The following ZNF142 variants were observed in gnomAD, a reference collection of about 807,000 sequenced individuals.
The protein encoded by ZNF142 is zinc finger protein 142 (clone pHZ-49).
Under a neutral mutation model 132.1 loss-of-function variants are expected in ZNF142, and 96 were observed. The ratio of observed to expected loss-of-function variants is 0.73; its 90% CI spans 0.62 to 0.86. ZNF142 has a LOEUF of 0.86. Among genes scored for constraint, ZNF142 ranks in the 40% least tolerant of loss-of-function variants. ZNF142 has a pLI of 0.00. For synonymous variants in ZNF142, 842 were observed against 890.1 expected (o/e 0.95, Z 0.96); for missense variants, 2,163 against 2,336.2 (o/e 0.93, Z 1.53).
intron 4 of ZNF142, among the ~76,000 whole-genome samples, chr2:218,653,918 T>C (rs1218972050): frequency 6.6e-6 from 1 of 152,122 alleles, no homozygotes; most frequent in Non-Finnish European, 1.5e-5. Flanking sequence ...GGTGGTGTGA[T>C]CACAGCTCAC....
Position 218,656,412 on chromosome 2 carries a change from C to T in ZNF142, c.18G>A (p.Leu6=), listed in dbSNP as rs914321546. The change falls in exon 4 of 11, where the codon TTG becomes TTA. Residue 6 remains leucine, a synonymous_variant. Coordinates refer to ENST00000411696, the MANE Select transcript of ZNF142 (RefSeq NM_001379659.1). MTDPL[L]DSQPASSTGE... is the part of the protein sequence containing the mutation. ...CGGTGCTACTGGCTGGCTGTGAGTCCAAAAGGGGGTCTGTCATCACCACCG... is the reference window on the plus strand; with the variant it reads ...CGGTGCTACTGGCTGGCTGTGAGTCTAAAAGGGGGTCTGTCATCACCACCG... The T allele has an allele frequency of 1.4e-6, 2 of 1,434,274 alleles. No individual in the cohort carries two copies. The highest frequency in any genetic ancestry group is 3.4e-5 in the South Asian group (2 of 58,328). 88.8% of individuals were successfully genotyped at this position (1,434,274 alleles called of 1,614,324 possible). A position where few individuals can be genotyped will look rare whatever the true frequency, so the allele number is the denominator to read the frequency against.
Position 218,643,812 on chromosome 2 carries a change from G to C in ZNF142, c.3304C>G (p.Pro1102Ala). 1 of 1,612,062 alleles carries C rather than the reference G, an allele frequency of 6.2e-7. No homozygotes were observed. Among genetic ancestry groups the C allele is most frequent in the Non-Finnish European group, 8.5e-7 (1 of 1,178,624 alleles). ...LLRKNKGLPR[P>A]DSPIPLQPVL... ...GGTTGCAGAGGGATGGGTGAATCTG[G>C]TCTGGGCAAGCCCTTGTTCTTTCTG... The change falls in exon 9 of 11, where the codon CCA (proline) becomes GCA (alanine). Residue 1102 changes from proline to alanine, a missense_variant. This residue lies in a region of ZNF142 where 809 missense variants were observed against 801.7 expected (regional missense o/e 1.01). Transcript: ENST00000411696.
intron 9 of ZNF142, among the ~76,000 whole-genome samples, chr2:218,641,090 A>G (rs1697143992): frequency 6.6e-6 from 1 of 151,934 alleles, no homozygotes; most frequent in African/African-American, 2.4e-5. Flanking sequence ...ATGCGCCACA[A>G]TGTCCAGCTA....
At position 218,642,771 on chromosome 2, in the gene ZNF142, T is replaced by C. The variant is rs1697339800; in HGVS notation, c.4345A>G (p.Arg1449Gly). ...TNSKLRLHRL[R>G]VHDKTPTHFC... ...TGGGTAGGTGTTTTGTCATGTACCC[T>C]TAACCGGTGCAAGCGCAGTTTCGAG... The change falls in exon 9 of 11, where the codon AGG becomes GGG. Residue 1449 changes from arginine to glycine, a missense_variant. By Grantham distance (125) the Arg-to-Gly change is moderately radical. Coordinates refer to ENST00000411696, the MANE Select transcript of ZNF142 (RefSeq NM_001379659.1). The surrounding 1 kb of genome is among the most constrained non-coding windows in gnomAD (Gnocchi z 4.6). The C allele has an allele frequency of 6.2e-7, 1 of 1,614,098 alleles. No homozygotes were observed. Among genetic ancestry groups the C allele is most frequent in the Non-Finnish European group, 8.5e-7 (1 of 1,180,056 alleles).
rs761199260 is a variant in ZNF142, at chr2:218,648,748, T to A, written c.1760A>T (p.Tyr587Phe). The A allele has an allele frequency of 1.9e-6, 3 of 1,614,252 alleles. No individual in the cohort carries two copies. The South Asian group carries it at 3.3e-5, about 18-fold the overall frequency. ...ATGCATCTTGCCTACATGATCCTGGTAAGCCACTGGGTTGAAGGTGGCAAA... is the reference window on the plus strand; with the variant it reads ...ATGCATCTTGCCTACATGATCCTGGAAAGCCACTGGGTTGAAGGTGGCAAA... ...CPFATFNPVA[Y>F]QDHVGKMHAH... Residue 587 changes from tyrosine (Y) to phenylalanine (F), a missense_variant, in exon 7 of 11, where the codon TAC becomes TTC. By Grantham distance (22) the Tyr-to-Phe change is conservative. Around this residue, in one of 7 missense-constraint regions of ZNF142, gnomAD observed 749 missense variants for 830.3 expected, o/e 0.90. Coordinates refer to ENST00000411696, the MANE Select transcript of ZNF142 (RefSeq NM_001379659.1).
intron 8 of ZNF142, 95 bp downstream of exon 8, chr2:218,646,076 C>T (rs1286776401): frequency 1.1e-5 from 17 of 1,493,504 alleles, no homozygotes; most frequent in Admixed American, 1.1e-4. Context: ...CTCCAGGGAC[C>T]GGAGAAAGAA....
At chr2:218,641,149 G>A (rs769983498) in intron 9 of ZNF142, among the ~76,000 whole-genome samples, 15 of 152,012 alleles carry the variant, frequency 9.9e-5, no homozygotes, top group Non-Finnish European at 2.1e-4. Context: ...ATGTTGCCCT[G>A]GCTGGTCTCA....
Position 218,643,328 on chromosome 2 carries a change from TG to T in ZNF142, c.3787del (p.Gln1263ArgfsTer9), listed in dbSNP as rs750239776. Reference protein sequence around the residue: ...RGGGGKRGTPQTQPDVSPLSN... With the variant: ...RGGGGKRGTPXTQPDVSPLSN... ...CAACGGGGACACATCAGGCTGGGTC[TG>T]GGGGGTCCCTCGTTTTCCTCCCCCG... On this transcript the variant is annotated frameshift_variant, in exon 9 of 11. Transcript: ENST00000411696. LOFTEE classifies it high-confidence loss of function. 6.2e-7 allele frequency: 1 copy of T among 1,614,016 alleles called. No individual in the cohort carries two copies. The highest frequency in any genetic ancestry group is 8.5e-7 in the Non-Finnish European group (1 of 1,180,018).
In ZNF142 at chr2:218,644,774, C is replaced by A. The variant is rs573181948; in HGVS notation, c.2342G>T (p.Arg781Leu). 6.2e-7 allele frequency: 1 copy of A among 1,614,166 alleles called. No homozygotes were observed. The highest frequency in any genetic ancestry group is 2.2e-5 in the East Asian group (1 of 44,884). The change falls in exon 9 of 11, where the codon CGC becomes CTC. Residue 781 changes from arginine (R) to leucine (L), a missense_variant. This residue lies in a region of ZNF142 where 749 missense variants were observed against 830.3 expected (regional missense o/e 0.90). Transcript: ENST00000411696. The surrounding 1 kb of genome is among the most constrained non-coding windows in gnomAD (Gnocchi z 4.6). ...CAAGAGTGTGGTGTTGCTGAAGGTG[C>A]GGTAGTCACAGAGGGCACAGTGGAA... is the stretch of plus-strand genomic sequence containing the variant. ...REFHCALCDY[R>L]TFSNTTLLFH...
chr2:218,647,434 A>AAAAAAAAAAAAAAAAAAAAAAAAAACAC (rs1559297369), intron 7 of ZNF142, among the ~76,000 whole-genome samples: 1 of 147,260 alleles, frequency 6.8e-6, no homozygotes, highest in Admixed American at 6.8e-5. Context: ...AAAAAAAAAA[A>AAAAAAAAAAAAAAAAAAAAAAAAAACAC]AGCCTCCTCC....
Position 218,646,229 on chromosome 2 carries a change from C to CA in ZNF142, c.1992dup (p.Val665CysfsTer34). 1 of 1,614,220 alleles carries CA rather than the reference C, an allele frequency of 6.2e-7. No homozygotes were observed. The highest frequency in any genetic ancestry group is 8.5e-7 in the Non-Finnish European group (1 of 1,180,044). On this transcript the variant is annotated frameshift_variant, in exon 8 of 11. Coordinates refer to ENST00000411696, the MANE Select transcript of ZNF142 (RefSeq NM_001379659.1). LOFTEE classifies it high-confidence loss of function. ...CGGAGGTAGTGCTTCCACTTGGTGA[C>CA]ATAGCCACATTCAGTGCACATGTAA...
rs1696507949 is a variant in ZNF142, at chr2:218,633,469, C to A, written c.*4870G>T. 1.9e-6 allele frequency: 2 copies of A among 1,051,838 alleles called. No individual in the cohort carries two copies. Among genetic ancestry groups the A allele is most frequent in the Non-Finnish European group, 2.9e-6 (2 of 692,830 alleles). 65.2% of individuals were successfully genotyped at this position (1,051,838 alleles called of 1,614,324 possible). Reference sequence around the variant, plus strand: ...CTATTTCCAAGCCTGAGTCCCTTCTCTTGTCCCGGCAGGTGAGGCAGGAGG... The same window carrying A: ...CTATTTCCAAGCCTGAGTCCCTTCTATTGTCCCGGCAGGTGAGGCAGGAGG... On this transcript the variant is annotated 3_prime_UTR_variant, in exon 11 of 11. Coordinates refer to ENST00000411696, the MANE Select transcript of ZNF142 (RefSeq NM_001379659.1).
At position 218,644,153 on chromosome 2, in the gene ZNF142, G is replaced by T. The variant is rs762627408; in HGVS notation, c.2963C>A (p.Pro988His). ...NWVGTFKTTP[P>H]AETAPLPPLP... ...TGGGGGCAAGGGTGCTGTCTCAGCA[G>T]GTGGAGTTGTCTTGAAGGTTCCTAC... Residue 988 changes from proline to histidine, a missense_variant, in exon 9 of 11, where the codon CCT becomes CAT. Physicochemically the swap from Pro to His is moderately conservative, Grantham distance 77. Coordinates refer to ENST00000411696, the MANE Select transcript of ZNF142 (RefSeq NM_001379659.1). This position sits in a 1 kb window ranked among gnomAD's most constrained non-coding sequence, Gnocchi z 4.6. The T allele has an allele frequency of 3.1e-6, 5 of 1,614,136 alleles. 1 individual carries two copies. In the South Asian group the frequency reaches 4.4e-5, roughly 14 times the overall value.
chr2:218,644,925 T>C lies in ZNF142; in HGVS notation c.2191A>G (p.Met731Val). 3.1e-6 allele frequency: 5 copies of C among 1,614,010 alleles called. No individual in the cohort carries two copies. The highest frequency in any genetic ancestry group is 4.2e-6 in the Non-Finnish European group (5 of 1,179,936). ...GTGCCAGGGTGGTGCTGGGAAGCCATGTGCTTCTGCAGCTCATACTTCCGC... is the reference window on the plus strand; with the variant it reads ...GTGCCAGGGTGGTGCTGGGAAGCCACGTGCTTCTGCAGCTCATACTTCCGC... Reference protein sequence around the residue: ...CKRKYELQKHMASQHHPGTPA... With the variant: ...CKRKYELQKHVASQHHPGTPA... The change falls in exon 9 of 11, where the codon ATG becomes GTG. Residue 731 changes from methionine to valine, a missense_variant. This residue lies in a region of ZNF142 where 749 missense variants were observed against 830.3 expected (regional missense o/e 0.90). Coordinates refer to ENST00000411696, the MANE Select transcript of ZNF142 (RefSeq NM_001379659.1). The surrounding 1 kb of genome is among the most constrained non-coding windows in gnomAD (Gnocchi z 4.6).
rs1696781281 is a variant in ZNF142, at chr2:218,636,730, A to G, written c.*1609T>C. On this transcript the variant is annotated 3_prime_UTR_variant, in exon 11 of 11. Transcript: ENST00000411696. Reference sequence around the variant, plus strand: ...ATTACCTCATTCTTCCTAACAAGCAATCTGGGACCTGATTTTCCACCTTTT... The same window carrying G: ...ATTACCTCATTCTTCCTAACAAGCAGTCTGGGACCTGATTTTCCACCTTTT... The G allele has an allele frequency of 3.8e-6, 3 of 799,194 alleles. No homozygotes were observed. The highest frequency in any genetic ancestry group is 6.1e-6 in the Non-Finnish European group (3 of 491,324). 49.5% of individuals were successfully genotyped at this position (799,194 alleles called of 1,614,324 possible).
At chr2:218,649,490 G>A in intron 6 of ZNF142, 31 bp from the exon 7 acceptor site, 2 of 1,505,460 alleles carry the variant, frequency 1.3e-6, no homozygotes. Flanking sequence ...AGTTGAGAGA[G>A]TGAGATTTTT....
rs1575049519 is a variant in ZNF142 at position 218,637,451 on chromosome 2, C to CT, written c.*887dup. On this transcript the variant is annotated 3_prime_UTR_variant, in exon 11 of 11. Transcript: ENST00000411696. ...CCAGCATAATTATTAATAGTACCCT[C>CT]TTTAAGTTTTCCCAGTGTGTCTCAG... Among the ~76,000 whole-genome samples, 1 of 152,222 alleles carries CT rather than the reference C, an allele frequency of 6.6e-6. No individual in the cohort carries two copies. The highest frequency in any genetic ancestry group is 1.9e-4 in the East Asian group (1 of 5,200).
rs183954984 is a variant in ZNF142, at chr2:218,638,635, C to T, written c.5368G>A (p.Ala1790Thr). ...LRTHLRKHSE[A>T]KPYVCNVCHR... Reference sequence around the variant, plus strand: ...CACACATTGCACACATAGGGTTTGGCCTCACTGTGCTTGCGAAGGTGGGTG... The same window carrying T: ...CACACATTGCACACATAGGGTTTGGTCTCACTGTGCTTGCGAAGGTGGGTG... The change falls in exon 11 of 11, where the codon GCC (alanine) becomes ACC (threonine). Residue 1790 changes from alanine to threonine, a missense_variant. Physicochemically the swap from Ala to Thr is moderately conservative, Grantham distance 58. This residue lies in a region of ZNF142 where 325 missense variants were observed against 367.8 expected (regional missense o/e 0.88). Transcript: ENST00000411696. The T allele has an allele frequency of 3.0e-4, 483 of 1,614,208 alleles. 1 individual carries two copies. Among genetic ancestry groups the T allele is most frequent in the Non-Finnish European group, 3.8e-4 (444 of 1,180,024 alleles).
Position 218,642,894 on chromosome 2 carries a change from A to G in ZNF142, c.4222T>C (p.Ser1408Pro). Residue 1408 changes from serine to proline, a missense_variant, in exon 9 of 11, where the codon TCG becomes CCG. Transcript: ENST00000411696. This position sits in a 1 kb window ranked among gnomAD's most constrained non-coding sequence, Gnocchi z 4.6. Reference protein sequence around the residue: ...KPHQCPFCDFSTTRRYRLEAH... With the variant: ...KPHQCPFCDFPTTRRYRLEAH... ...TCTAACCGGTACCGTCTGGTGGTCG[A>G]AAAGTCACAGAAGGGGCACTGATGG... The G allele has an allele frequency of 1.9e-6, 3 of 1,613,888 alleles. No individual in the cohort carries two copies. The highest frequency in any genetic ancestry group is 8.5e-7 in the Non-Finnish European group (1 of 1,179,878).
Sources: gnomAD v4.1 joint callset for allele counts (sites outside exome capture counted in the v4.1 genomes callset) on GRCh38, gnomAD v4.1.1 for gene constraint, gnomAD v4.1.1 regional missense constraint, Gnocchi (gnomAD v3.1) non-coding constraint, MANE v1.5 for transcripts, NCBI Gene and HGNC (gene_info 2026-07-23, HGNC 2026-07-21) for gene names.